ADAM10: variants seen among roughly 807,000 people sequenced by gnomAD.
The protein encoded by ADAM10 is ADAM metallopeptidase domain 10, also known as disintegrin and metalloproteinase domain-containing protein 10.
ADAM10 carries 17 observed loss-of-function variants against 90.1 expected under a neutral mutation model. The observed-to-expected ratio is 0.19, with a 90% CI of 0.13 to 0.28. ADAM10 has a LOEUF of 0.28. ADAM10 is among the 10% of genes least tolerant of loss of function. The pLI is 1.00. For missense variants in ADAM10, 610 were observed against 914.3 expected, an observed-to-expected ratio of 0.67 and a Z score of 4.29; for synonymous variants, 310 against 298.6, an observed-to-expected ratio of 1.04 and a Z score of -0.40.
intron 11 of ADAM10, among the ~76,000 whole-genome samples, chr15:58,618,565 G>T (rs1895687265): frequency 1.3e-5 from 2 of 152,178 alleles, no homozygotes; most frequent in Non-Finnish European, 2.9e-5. Flanking sequence ...ACAATCAACA[G>T]AGTGAAGAGA....
intron 1 of ADAM10, among the ~76,000 whole-genome samples, chr15:58,746,918 G>A (rs1428463331): frequency 2.6e-5 from 4 of 152,216 alleles, no homozygotes; most frequent in African/African-American, 4.8e-5. Context: ...CCGACTCAGA[G>A]TCAGAGAAAG....
chr15:58,661,051 A>G (rs1214563307), intron 5 of ADAM10, among the ~76,000 whole-genome samples: 3 of 152,246 alleles, frequency 2.0e-5, no homozygotes, highest in African/African-American at 7.2e-5. Flanking sequence ...TGTCAAAATT[A>G]CATCACTTCA....
chr15:58,621,212 G>C (rs1289705751), intron 11 of ADAM10, among the ~76,000 whole-genome samples: 1 of 130,662 alleles, frequency 7.7e-6, no homozygotes, highest in Admixed American at 9.0e-5. Context: ...GCAGTGAGCC[G>C]AGATCATGCC....
rs1898747602 is a variant in ADAM10 at position 58,718,743 on chromosome 15, TAGAGCTCTGCTGAACACTAC to T, written c.56-1036_56-1017del. Among the ~76,000 whole-genome samples the T allele has an allele frequency of 2.6e-5, 4 of 152,310 alleles. No homozygotes were observed. In the South Asian group the frequency reaches 8.3e-4, roughly 32 times the overall value. ...AGGTAGTTTCCACATATGGGCTGAT[TAGAGCTCTGCTGAACACTAC>T]AGTGGAAGCCTCTGCAGATCTCAGG... On this transcript the variant is annotated intron_variant, in intron 1 of 15. Coordinates refer to ENST00000260408, the MANE Select transcript of ADAM10 (RefSeq NM_001110.4).
intron 7 of ADAM10, 79 bp from the exon 8 acceptor site, chr15:58,641,039 C>G: frequency 7.6e-7 from 1 of 1,322,542 alleles, no homozygotes; most frequent in Non-Finnish European, 1.1e-6. Context: ...CCTTCTTCTG[C>G]GTACACCTGG....
At chr15:58,744,953 C>T (rs539959828) in intron 1 of ADAM10, among the ~76,000 whole-genome samples, 4 of 152,296 alleles carry the variant, frequency 2.6e-5, no homozygotes, top group East Asian at 1.9e-4. Context: ...GAGGCCAAGG[C>T]GGGCAGATCA....
intron 10 of ADAM10, among the ~76,000 whole-genome samples, chr15:58,622,455 T>C (rs1446653308): frequency 1.3e-5 from 2 of 152,214 alleles, no homozygotes; most frequent in African/African-American, 2.4e-5. Context: ...TCCATTTTTA[T>C]TTATTTTTAC....
chr15:58,646,903 G>A (rs1433972910), intron 5 of ADAM10, among the ~76,000 whole-genome samples: 3 of 152,162 alleles, frequency 2.0e-5, no homozygotes, highest in African/African-American at 7.2e-5. Context: ...CTAGCTGTCT[G>A]TGGTACAGCT....
intron 2 of ADAM10, among the ~76,000 whole-genome samples, chr15:58,701,816 A>C (rs1390578678): frequency 6.6e-6 from 1 of 152,128 alleles, no homozygotes. Flanking sequence ...TAAAAATAAT[A>C]ATAATAAGGC....
chr15:58,600,690 T>C (rs1218415364), intron 14 of ADAM10, among the ~76,000 whole-genome samples: 1 of 152,230 alleles, frequency 6.6e-6, no homozygotes, highest in African/African-American at 2.4e-5. Context: ...GATAAATTTA[T>C]AGGAAAATTA....
intron 8 of ADAM10, among the ~76,000 whole-genome samples, chr15:58,634,187 T>C (rs1227484403): frequency 1.3e-5 from 2 of 151,812 alleles, no homozygotes. Flanking sequence ...GGTGCACACC[T>C]GTAATCCCAG....
rs753866980 is a variant in ADAM10, at chr15:58,593,929, T to C, written c.*3618A>G. On this transcript the variant is annotated 3_prime_UTR_variant, in exon 16 of 16. Coordinates refer to ENST00000260408, the MANE Select transcript of ADAM10 (RefSeq NM_001110.4). ...TATAAAGAGTTGAATACAGAAACAATAGTGAAAAAACTAAACTGGTAATAA... is the reference window on the plus strand; with the variant it reads ...TATAAAGAGTTGAATACAGAAACAACAGTGAAAAAACTAAACTGGTAATAA... The C allele has an allele frequency of 7.2e-5, 11 of 152,098 alleles. No individual in the cohort carries two copies. Among genetic ancestry groups the C allele is most frequent in the Non-Finnish European group, 1.6e-4 (11 of 68,006 alleles). 9.4% of individuals were successfully genotyped at this position (152,098 alleles called of 1,614,324 possible).
chr15:58,687,831 G>T (rs2140764732), intron 2 of ADAM10, among the ~76,000 whole-genome samples: 1 of 152,282 alleles, frequency 6.6e-6, no homozygotes, highest in African/African-American at 2.4e-5. Flanking sequence ...TACGATTCAT[G>T]CGACAATCAT....
In ADAM10 at chr15:58,593,982, T is replaced by C. The variant is rs1487917671; in HGVS notation, c.*3565A>G. 6.6e-6 allele frequency: 1 copy of C among 152,192 alleles called. No homozygotes were observed. The highest frequency in any genetic ancestry group is 2.4e-5 in the African/African-American group (1 of 41,444). The allele number at this position is 152,192 out of a possible 1,614,324, so 9.4% of individuals were successfully genotyped here. A position where few individuals can be genotyped will look rare whatever the true frequency, so the allele number is the denominator to read the frequency against. On this transcript the variant is annotated 3_prime_UTR_variant, in exon 16 of 16. Coordinates refer to ENST00000260408, the MANE Select transcript of ADAM10 (RefSeq NM_001110.4). The stretch of plus-strand genomic sequence containing the variant: ...GGAAAAGTATATCAAATGGAAGTTG[T>C]TTTTAATCAAGAACACAACATGAGA...
At chr15:58,697,305 ATGTCTGGTGCCACT>A (rs1898006714) in intron 2 of ADAM10, among the ~76,000 whole-genome samples, 1 of 152,038 alleles carries the variant, frequency 6.6e-6, no homozygotes, top group Non-Finnish European at 1.5e-5. Context: ...CTGAATGTTT[ATGTCTGGTGCCACT>A]GAAAGCAACC....
At chr15:58,616,761 G>C (rs1238566180) in intron 11 of ADAM10, among the ~76,000 whole-genome samples, 1 of 152,044 alleles carries the variant, frequency 6.6e-6, no homozygotes, top group Non-Finnish European at 1.5e-5. Context: ...ATTAGTAGAA[G>C]AAAAGAAATA....
At chr15:58,652,513 G>C (rs1415606481) in intron 5 of ADAM10, among the ~76,000 whole-genome samples, 1 of 152,098 alleles carries the variant, frequency 6.6e-6, no homozygotes, top group African/African-American at 2.4e-5. Context: ...TACCCCAATG[G>C]ATGTTTTTGG....
At chr15:58,602,951 C>T (rs1359583122) in intron 14 of ADAM10, among the ~76,000 whole-genome samples, 1 of 152,202 alleles carries the variant, frequency 6.6e-6, no homozygotes, top group South Asian at 2.1e-4. Context: ...TATTTAAAAT[C>T]TATTTTTAAA....
intron 11 of ADAM10, among the ~76,000 whole-genome samples, chr15:58,621,063 A>G (rs28678478): frequency 0.17 from 26,249 of 151,600 alleles, 2,581 homozygotes; most frequent in East Asian, 0.4. Context: ...AAGTAGTCCA[A>G]ACAAGCCTGG....
Sources: allele counts gnomAD v4.1 joint callset (sites outside exome capture counted in the v4.1 genomes callset), GRCh38; gene constraint gnomAD v4.1.1; transcripts MANE v1.5; gene names NCBI Gene and HGNC (gene_info 2026-07-23, HGNC 2026-07-21).